Variants in C1orf232 observed in about 807,000 individuals in gnomAD.
C1orf232 encodes the protein chromosome 1 open reading frame 230.
In C1orf232, 10 loss-of-function variants were observed where a neutral mutation model predicts 12.1. The ratio of observed to expected loss-of-function variants is 0.82; its 90% CI spans 0.51 to 1.40. The LOEUF (loss-of-function observed/expected upper bound fraction) is 1.40. Among genes scored for constraint, C1orf232 ranks in the 40% most tolerant of loss-of-function variants. The pLI, the probability that C1orf232 is intolerant of heterozygous loss-of-function variation, is 0.00. For missense variants in C1orf232, 88 were observed against 98.4 expected, an observed-to-expected ratio of 0.89 and a Z score of 0.45; for synonymous variants, 36 against 39.8, an observed-to-expected ratio of 0.90 and a Z score of 0.36.
chr1:26,165,662 A>G, intron 3 of C1orf232, 164 bp downstream of exon 3: 1 of 1,161,670 alleles, frequency 8.6e-7, no homozygotes, highest in East Asian at 3.2e-5. Flanking sequence ...TCTCCCAGAT[A>G]TGCTGATTTG....
chr1:26,164,464 G>A lies in C1orf232; in HGVS notation c.267-9C>T, dbSNP rs1002845575. 1 of 377,210 alleles carries A rather than the reference G, an allele frequency of 2.7e-6. No homozygotes were observed. 23.4% of individuals were successfully genotyped at this position (377,210 alleles called of 1,614,324 possible). A position where few individuals can be genotyped will look rare whatever the true frequency, so the allele number is the denominator to read the frequency against. Reference sequence around the variant, plus strand: ...GTCGCGCCGCCAGAGGGCTGCGGGAGAGGGCCGCGGTCAGGGAAGCGGCCG... The same window carrying A: ...GTCGCGCCGCCAGAGGGCTGCGGGAAAGGGCCGCGGTCAGGGAAGCGGCCG... On this transcript the variant is annotated splice_polypyrimidine_tract_variant and intron_variant, in intron 3 of 3. Coordinates refer to ENST00000634842, the MANE Select transcript of C1orf232 (RefSeq NM_001364669.2). This position sits in a 1 kb window ranked among gnomAD's most constrained non-coding sequence, Gnocchi z 4.2.
chr1:26,165,738 G>A (rs2088418448), intron 3 of C1orf232, 88 bp downstream of exon 3: 1 of 1,231,606 alleles, frequency 8.1e-7, no homozygotes. Context: ...TCAGTGGTTA[G>A]AAAGACAAAC....
intron 1 of C1orf232, 71 bp downstream of exon 1, chr1:26,168,345 C>T: frequency 9.0e-7 from 1 of 1,105,284 alleles, no homozygotes; most frequent in Non-Finnish European, 1.1e-6. Context: ...TATCCTGTGC[C>T]CCACTTCATA....
intron 1 of C1orf232, among the ~76,000 whole-genome samples, chr1:26,167,954 G>A (rs1372159181): frequency 6.6e-6 from 1 of 152,170 alleles, no homozygotes; most frequent in Non-Finnish European, 1.5e-5. Context: ...TTGTTTGTTT[G>A]CTTGTTTTTT....
chr1:26,165,561 C>G (rs930555233), intron 3 of C1orf232: 11 of 459,452 alleles, frequency 2.4e-5, no homozygotes, highest in African/African-American at 2.2e-4. Context: ...AGAGATGGCC[C>G]CTCCCAAGCG....
chr1:26,165,780 G>C, intron 3 of C1orf232, 46 bp downstream of exon 3: 1 of 1,231,810 alleles, frequency 8.1e-7, no homozygotes, highest in Admixed American at 4.2e-5. Flanking sequence ...GCAGAAGGGG[G>C]ACCTCAGGCC....
intron 3 of C1orf232, among the ~76,000 whole-genome samples, chr1:26,165,086 G>T (rs1207606642): frequency 1.3e-5 from 2 of 150,452 alleles, no homozygotes; most frequent in Non-Finnish European, 3.0e-5. Flanking sequence ...CTCAAGTCCA[G>T]GAAGTTCCTT....
rs558139852 is a variant in C1orf232 at position 26,164,546 on chromosome 1, G to A, written c.267-91C>T. On this transcript the variant is annotated intron_variant, in intron 3 of 3. Coordinates refer to ENST00000634842, the MANE Select transcript of C1orf232 (RefSeq NM_001364669.2). The surrounding 1 kb of genome is among the most constrained non-coding windows in gnomAD (Gnocchi z 4.2). ...GACGGAGGAGTTTAGTGGGGCCGGG[G>A]GAACCTGGGCGGAGTCAGGGGCAGT... The A allele has an allele frequency of 6.7e-5, 24 of 357,506 alleles. No individual in the cohort carries two copies. The highest frequency in any genetic ancestry group is 4.5e-4 in the African/African-American group (21 of 47,160). 22.1% of individuals were successfully genotyped at this position (357,506 alleles called of 1,614,324 possible).
chr1:26,167,569 C>T (rs2088439218), intron 1 of C1orf232, among the ~76,000 whole-genome samples: 1 of 152,172 alleles, frequency 6.6e-6, no homozygotes, highest in Non-Finnish European at 1.5e-5. Flanking sequence ...AGGTGATCCA[C>T]CCTCCGTGGC....
intron 1 of C1orf232, among the ~76,000 whole-genome samples, chr1:26,167,571 C>T (rs1161652753): frequency 6.6e-6 from 1 of 152,198 alleles, no homozygotes; most frequent in East Asian, 1.9e-4. Flanking sequence ...GTGATCCACC[C>T]TCCGTGGCCT....
At chr1:26,166,491 A>AT (rs1377044562) in intron 1 of C1orf232, among the ~76,000 whole-genome samples, 3 of 151,828 alleles carry the variant, frequency 2.0e-5, no homozygotes, top group African/African-American at 7.3e-5. Context: ...TAATTTTTGT[A>AT]TTTTAAATAG....
rs2088446732 is a variant in C1orf232 at position 26,168,277 on chromosome 1, G to GT, written c.84+138dup. The GT allele has an allele frequency of 1.1e-5, 6 of 524,590 alleles. No individual in the cohort carries two copies. In the East Asian group the frequency reaches 2.1e-4, roughly 18 times the overall value. 32.5% of individuals were successfully genotyped at this position (524,590 alleles called of 1,614,324 possible). A position where few individuals can be genotyped will look rare whatever the true frequency, so the allele number is the denominator to read the frequency against. On this transcript the variant is annotated intron_variant, in intron 1 of 3. Coordinates refer to ENST00000634842, the MANE Select transcript of C1orf232 (RefSeq NM_001364669.2). ...CCTGGCTTTCTGATGCTGCACCATG[G>GT]TTTTTACCATCCCTGAATGTGGCAT...
chr1:26,164,460 G>A lies in C1orf232; in HGVS notation c.267-5C>T, dbSNP rs2124493599. 5.3e-6 allele frequency: 2 copies of A among 377,344 alleles called. No individual in the cohort carries two copies. The highest frequency in any genetic ancestry group is 3.9e-5 in the East Asian group (1 of 25,746). The allele number at this position is 377,344 out of a possible 1,614,324, so 23.4% of individuals were successfully genotyped here. On this transcript the variant is annotated splice_region_variant and splice_polypyrimidine_tract_variant and intron_variant, in intron 3 of 3. Coordinates refer to ENST00000634842, the MANE Select transcript of C1orf232 (RefSeq NM_001364669.2). The surrounding 1 kb of genome is among the most constrained non-coding windows in gnomAD (Gnocchi z 4.2). ...GGGGGTCGCGCCGCCAGAGGGCTGCGGGAGAGGGCCGCGGTCAGGGAAGCG... is the reference window on the plus strand; with the variant it reads ...GGGGGTCGCGCCGCCAGAGGGCTGCAGGAGAGGGCCGCGGTCAGGGAAGCG...
rs935107642 is a variant in C1orf232 at position 26,164,411 on chromosome 1, T to G, written c.311A>C (p.Glu104Ala). 1.8e-5 allele frequency: 7 copies of G among 383,952 alleles called. No individual in the cohort carries two copies. Among genetic ancestry groups the G allele is most frequent in the Non-Finnish European group, 2.8e-5 (6 of 216,980 alleles). 23.8% of individuals were successfully genotyped at this position (383,952 alleles called of 1,614,324 possible). A position where few individuals can be genotyped will look rare whatever the true frequency, so the allele number is the denominator to read the frequency against. ...RPPSQAAAAA[E>A]ARGPGFWDAF... Reference sequence around the variant, plus strand: ...GTCCCAGAAGCCCGGGCCGCGCGCCTCCGCCGCCGCCGCCGCCTGCGAGGG... The same window carrying G: ...GTCCCAGAAGCCCGGGCCGCGCGCCGCCGCCGCCGCCGCCGCCTGCGAGGG... Residue 104 changes from glutamate (E) to alanine (A), a missense_variant, in exon 4 of 4, where the codon GAG (glutamate) becomes GCG (alanine). Glu to Ala is a moderately radical substitution (Grantham distance 107, BLOSUM62 -1). Coordinates refer to ENST00000634842, the MANE Select transcript of C1orf232 (RefSeq NM_001364669.2). This position sits in a 1 kb window ranked among gnomAD's most constrained non-coding sequence, Gnocchi z 4.2.
chr1:26,168,034 C>T (rs2088444298), intron 1 of C1orf232, among the ~76,000 whole-genome samples: 2 of 152,302 alleles, frequency 1.3e-5, no homozygotes, highest in South Asian at 2.1e-4. Context: ...CTTTCTAGTA[C>T]AGGCGCCACT....
At chr1:26,167,536 G>A (rs1044078401) in intron 1 of C1orf232, among the ~76,000 whole-genome samples, 1 of 152,198 alleles carries the variant, frequency 6.6e-6, no homozygotes, top group African/African-American at 2.4e-5. Context: ...TGTTAGCCAG[G>A]CTGGTCTCGA....
At chr1:26,165,993 C>T in intron 2 of C1orf232, 42 bp downstream of exon 2, 1 of 1,231,548 alleles carries the variant, frequency 8.1e-7, no homozygotes, top group South Asian at 4.1e-5. Context: ...AAGCCTCTGC[C>T]AGGCTGCCCA....
At position 26,168,446 on chromosome 1, in the gene C1orf232, A is replaced by AC; in HGVS notation, c.53dup (p.Ser18ArgfsTer5). 2 of 1,231,552 alleles carry AC rather than the reference A, an allele frequency of 1.6e-6. No homozygotes were observed. The highest frequency in any genetic ancestry group is 2.0e-6 in the Non-Finnish European group (2 of 988,024). The allele number at this position is 1,231,552 out of a possible 1,614,324, so 76.3% of individuals were successfully genotyped here. ...CTGCCAGGTCTTCTTCAGATTCCCC[A>AC]CTCAGGGTCTGTAGCACTTTGGACT... On this transcript the variant is annotated frameshift_variant, in exon 1 of 4. Coordinates refer to ENST00000634842, the MANE Select transcript of C1orf232 (RefSeq NM_001364669.2). LOFTEE classifies it high-confidence loss of function.
chr1:26,168,506 A>G lies in C1orf232; in HGVS notation c.-7T>C, dbSNP rs1439230218. On this transcript the variant is annotated 5_prime_UTR_variant, in exon 1 of 4. Coordinates refer to ENST00000634842, the MANE Select transcript of C1orf232 (RefSeq NM_001364669.2). ...TCCAGAAGGCCTGGTTCATGGCTGCAGGGGGAAGGGGCCTGGCACGCAAGC... is the reference window on the plus strand; with the variant it reads ...TCCAGAAGGCCTGGTTCATGGCTGCGGGGGGAAGGGGCCTGGCACGCAAGC... 1.7e-5 allele frequency: 21 copies of G among 1,231,796 alleles called. No homozygotes were observed. The highest frequency in any genetic ancestry group is 3.1e-5 in the African/African-American group (2 of 64,422). The allele number at this position is 1,231,796 out of a possible 1,614,324, so 76.3% of individuals were successfully genotyped here. A position where few individuals can be genotyped will look rare whatever the true frequency, so the allele number is the denominator to read the frequency against.
Sources: gnomAD v4.1 joint callset for allele counts (sites outside exome capture counted in the v4.1 genomes callset) on GRCh38, gnomAD v4.1.1 for gene constraint, Gnocchi (gnomAD v3.1) non-coding constraint, MANE v1.5 for transcripts, NCBI Gene and HGNC (gene_info 2026-07-23, HGNC 2026-07-21) for gene names.